NOL9: variants seen among roughly 807,000 people sequenced by gnomAD.
NOL9 encodes polynucleotide 5'-hydroxyl-kinase NOL9.
Under a neutral mutation model 67.9 loss-of-function variants are expected in NOL9, and 28 were observed. The observed-to-expected ratio is 0.41, with a 90% CI of 0.31 to 0.57. NOL9 has a LOEUF of 0.57. Among genes scored for constraint, NOL9 ranks in the 20% least tolerant of loss-of-function variants. NOL9 has a pLI of 0.25. For missense variants in NOL9, 777 were observed against 897.0 expected, an observed-to-expected ratio of 0.87 and a Z score of 1.71; for synonymous variants, 356 against 352.2, an observed-to-expected ratio of 1.01 and a Z score of -0.12.
rs954869771 is a variant in NOL9, at chr1:6,554,078, G to T, written c.396+29C>A. 1.5e-5 allele frequency: 23 copies of T among 1,504,654 alleles called. No homozygotes were observed. The Admixed American group carries it at 4.7e-4, about 31-fold the overall frequency. The allele number at this position is 1,504,654 out of a possible 1,614,324, so 93.2% of individuals were successfully genotyped here. Reference sequence around the variant, plus strand: ...TGCCTCTCCAGCCCTCCCTGCCCTCGGGGACTACTACCGGCGCCCCCCACC... The same window carrying T: ...TGCCTCTCCAGCCCTCCCTGCCCTCTGGGACTACTACCGGCGCCCCCCACC... On this transcript the variant is annotated intron_variant, in intron 1 of 11. Transcript: ENST00000377705.
chr1:6,540,121 A>T (rs866764184), intron 6 of NOL9, among the ~76,000 whole-genome samples: 41 of 18,978 alleles, frequency 2.2e-3, no homozygotes, highest in East Asian at 3.5e-3. Flanking sequence ...AAGGAGAGTT[A>T]TTCTTTTTTT....
At position 6,534,776 on chromosome 1, in the gene NOL9, GCTCT is replaced by G. The variant is rs1158360520; in HGVS notation, c.1076-1339_1076-1336del. ...GAATCGGATGAGTCGGAAACTCATG[GCTCT>G]CTGTCTCTCTCTCTTTCTCTCTTTT... On this transcript the variant is annotated intron_variant, in intron 6 of 11. Coordinates refer to ENST00000377705, the MANE Select transcript of NOL9 (RefSeq NM_024654.5). Among the ~76,000 whole-genome samples the G allele has an allele frequency of 7.2e-5, 11 of 152,064 alleles. No homozygotes were observed. The East Asian group carries it at 2.1e-3, about 29-fold the overall frequency.
chr1:6,528,925 A>T, intron 10 of NOL9, 69 bp downstream of exon 10: 1 of 1,472,672 alleles, frequency 6.8e-7, no homozygotes, highest in East Asian at 2.3e-5. Context: ...GGTCAAGACC[A>T]GTCATCTACA....
At position 6,554,228 on chromosome 1, in the gene NOL9, G is replaced by A. The variant is rs1193122485; in HGVS notation, c.275C>T (p.Ala92Val). The A allele has an allele frequency of 3.3e-6, 5 of 1,513,354 alleles. No individual in the cohort carries two copies. Among genetic ancestry groups the A allele is most frequent in the African/African-American group, 2.9e-5 (2 of 69,208 alleles). 93.7% of individuals were successfully genotyped at this position (1,513,354 alleles called of 1,614,324 possible). ...TPSPIPSPTP[A>V]SEPESEPELE... ...TTCGGGTTCGGACTCGGGTTCGGAGGCCGGGGTCGGGCTAGGGATCGGGCT... is the reference window on the plus strand; with the variant it reads ...TTCGGGTTCGGACTCGGGTTCGGAGACCGGGGTCGGGCTAGGGATCGGGCT... The change falls in exon 1 of 12, where the codon GCC becomes GTC. Residue 92 changes from alanine (A) to valine (V), a missense_variant. Around this residue, in one of 2 missense-constraint regions of NOL9, gnomAD observed 364 missense variants for 344.4 expected, o/e 1.06. Coordinates refer to ENST00000377705, the MANE Select transcript of NOL9 (RefSeq NM_024654.5).
chr1:6,552,677 C>T (rs920895704), intron 1 of NOL9, among the ~76,000 whole-genome samples: 1 of 151,402 alleles, frequency 6.6e-6, no homozygotes, highest in Non-Finnish European at 1.5e-5. Context: ...GCCATATTGG[C>T]CAGGCTGGTC....
At chr1:6,535,354 G>A (rs1639125002) in intron 6 of NOL9, among the ~76,000 whole-genome samples, 1 of 152,158 alleles carries the variant, frequency 6.6e-6, no homozygotes, top group Non-Finnish European at 1.5e-5. Context: ...GGCTATGGAA[G>A]AGAAAGTGAA....
Position 6,524,521 on chromosome 1 carries a change from G to A in NOL9, c.*1333C>T, listed in dbSNP as rs1638838035. ...TGGTCACCAGCCGCCGGCACCCCCA[G>A]GAAAAAGCTCTAAATGGCAGGGTTG... On this transcript the variant is annotated 3_prime_UTR_variant, in exon 12 of 12. Coordinates refer to ENST00000377705, the MANE Select transcript of NOL9 (RefSeq NM_024654.5). The A allele has an allele frequency of 6.6e-6, 1 of 152,178 alleles. No homozygotes were observed. The highest frequency in any genetic ancestry group is 1.5e-5 in the Non-Finnish European group (1 of 68,108). 9.4% of individuals were successfully genotyped at this position (152,178 alleles called of 1,614,324 possible).
chr1:6,544,639 C>T (rs1639381240), intron 5 of NOL9, among the ~76,000 whole-genome samples, 187 bp downstream of exon 5: 2 of 145,334 alleles, frequency 1.4e-5, no homozygotes, highest in African/African-American at 5.1e-5. Flanking sequence ...GCAAAGTCAG[C>T]CTACGCTAGA....
chr1:6,529,491 G>C (rs911645957), intron 9 of NOL9, among the ~76,000 whole-genome samples: 4 of 152,066 alleles, frequency 2.6e-5, no homozygotes, highest in African/African-American at 9.7e-5. Flanking sequence ...GGGAGGCTAA[G>C]GCAGAAGAAT....
chr1:6,525,901 T>C lies in NOL9; in HGVS notation c.2062A>G (p.Lys688Glu). ...TTAGGTCTTCGGTATGGTTTCTCTT[T>C]ATGTGCCTCCTCAGGTTCTCTTGCT... Reference protein sequence around the residue: ...IGAREPEEAHKEKPYRRPKFC... With the variant: ...IGAREPEEAHEEKPYRRPKFC... The change falls in exon 12 of 12, where the codon AAA (lysine) becomes GAA (glutamate). Residue 688 changes from lysine (K) to glutamate (E), a missense_variant. Physicochemically the swap from Lys to Glu is moderately conservative, Grantham distance 56. This residue lies in a region of NOL9 where 413 missense variants were observed against 552.6 expected (regional missense o/e 0.75). Transcript: ENST00000377705. The C allele has an allele frequency of 6.2e-7, 1 of 1,614,194 alleles. No homozygotes were observed. The highest frequency in any genetic ancestry group is 8.5e-7 in the Non-Finnish European group (1 of 1,180,024).
At chr1:6,544,060 A>C (rs1394508136) in intron 5 of NOL9, among the ~76,000 whole-genome samples, 1 of 152,086 alleles carries the variant, frequency 6.6e-6, no homozygotes, top group Non-Finnish European at 1.5e-5. Context: ...TGGGAGGCGG[A>C]GGTTGCAGTG....
chr1:6,536,689 G>C (rs1639164347), intron 6 of NOL9, among the ~76,000 whole-genome samples: 1 of 151,982 alleles, frequency 6.6e-6, no homozygotes, highest in South Asian at 2.1e-4. Flanking sequence ...ATGGAGTTAG[G>C]CTTGGTGGTG....
At position 6,544,521 on chromosome 1, in the gene NOL9, A is replaced by G. The variant is rs372927970; in HGVS notation, c.977+305T>C. ...GGAAACCCTGTCTGAAAACACACACACACACACGCACGCACACACGCACCC... is the reference window on the plus strand; with the variant it reads ...GGAAACCCTGTCTGAAAACACACACGCACACACGCACGCACACACGCACCC... On this transcript the variant is annotated intron_variant, in intron 5 of 11. Transcript: ENST00000377705. 5.3e-4 allele frequency among the ~76,000 whole-genome samples: 19 copies of G among 35,904 alleles called. No individual in the cohort carries two copies. In the South Asian group the frequency reaches 8.0e-3, roughly 15 times the overall value. 23.6% of individuals were successfully genotyped at this position (35,904 alleles called of 152,430 possible).
intron 9 of NOL9, among the ~76,000 whole-genome samples, chr1:6,531,317 G>A (rs1639022729): frequency 6.6e-6 from 1 of 151,968 alleles, no homozygotes; most frequent in South Asian, 2.1e-4. Context: ...GGGTTCAAGC[G>A]ATTCTCCTGC....
chr1:6,526,256 T>C (rs1013189971), intron 11 of NOL9, among the ~76,000 whole-genome samples: 3 of 152,140 alleles, frequency 2.0e-5, no homozygotes, highest in Admixed American at 6.6e-5. Flanking sequence ...GGGTGCAGTG[T>C]GCGTCCCTTT....
At chr1:6,534,896 C>G (rs1208277363) in intron 6 of NOL9, among the ~76,000 whole-genome samples, 1 of 152,100 alleles carries the variant, frequency 6.6e-6, no homozygotes, top group Non-Finnish European at 1.5e-5. Context: ...CTCCACCTCC[C>G]GAGTTCAGGT....
intron 7 of NOL9, among the ~76,000 whole-genome samples, chr1:6,532,978 C>G (rs929895061): frequency 6.6e-6 from 1 of 152,238 alleles, no homozygotes; most frequent in African/African-American, 2.4e-5. Flanking sequence ...AGTTCAAGAT[C>G]AGCATGGCCA....
intron 3 of NOL9, chr1:6,548,108 C>T (rs903824344): frequency 2.8e-5 from 6 of 211,588 alleles, no homozygotes; most frequent in East Asian, 1.1e-4. Context: ...AGGCAGGCTT[C>T]GAGGGGTCCG....
chr1:6,534,586 G>A (rs1310200375), intron 6 of NOL9, among the ~76,000 whole-genome samples: 2 of 152,182 alleles, frequency 1.3e-5, no homozygotes. Flanking sequence ...AGGGATGTGG[G>A]GTAGCCAGCA....
Sources: allele counts gnomAD v4.1 joint callset (sites outside exome capture counted in the v4.1 genomes callset), GRCh38; gene constraint gnomAD v4.1.1; regional missense constraint gnomAD v4.1.1; transcripts MANE v1.5; gene names NCBI Gene and HGNC (gene_info 2026-07-23, HGNC 2026-07-21).